The following AGBL4 variants were observed in gnomAD, a reference collection of about 807,000 sequenced individuals.
AGBL4 encodes the protein cytosolic carboxypeptidase 6.
A neutral mutation model predicts 66.4 loss-of-function variants in AGBL4; 58 were observed. The ratio of observed to expected loss-of-function variants is 0.87; its 90% confidence interval spans 0.71 to 1.09. AGBL4 has a LOEUF of 1.09. Ranked by LOEUF, AGBL4 falls within the 50% of genes least tolerant of loss-of-function variation. The pLI, the probability that AGBL4 is intolerant of heterozygous loss-of-function variation, is 0.00. For missense variants in AGBL4, 579 were observed against 631.0 expected (o/e 0.92, Z 0.88); for synonymous variants, 234 against 222.9 (o/e 1.05, Z -0.44).
intron 6 of AGBL4, among the ~76,000 whole-genome samples, chr1:48,769,860 C>A (rs1644724556): frequency 6.6e-6 from 1 of 152,242 alleles, no homozygotes; most frequent in South Asian, 2.1e-4. Flanking sequence ...CACACAGCTT[C>A]TAAGTAGCAC....
chr1:49,257,665 G>A (rs556291723), intron 3 of AGBL4, among the ~76,000 whole-genome samples: 156 of 152,340 alleles, frequency 1.0e-3, no homozygotes, highest in African/African-American at 3.5e-3. Context: ...TGCACGGTGC[G>A]CTGCACCCAC....
chr1:49,245,936 A>G (rs745716421), intron 3 of AGBL4, 72 bp from the exon 4 acceptor site: 63 of 1,177,586 alleles, frequency 5.3e-5, no homozygotes, highest in Admixed American at 8.1e-5. Flanking sequence ...TAAGACAGGA[A>G]ATAAGAAACA....
At chr1:49,055,537 T>C (rs1412811145) in intron 4 of AGBL4, among the ~76,000 whole-genome samples, 1 of 152,034 alleles carries the variant, frequency 6.6e-6, no homozygotes, top group Non-Finnish European at 1.5e-5. Flanking sequence ...TTATTCATCA[T>C]AATATATAAC....
chr1:48,930,871 C>A (rs2148902600), intron 5 of AGBL4, among the ~76,000 whole-genome samples: 1 of 152,294 alleles, frequency 6.6e-6, no homozygotes, highest in East Asian at 1.9e-4. Flanking sequence ...ATGGGTCCTG[C>A]AGGCACTATG....
intron 2 of AGBL4, among the ~76,000 whole-genome samples, chr1:49,737,266 A>G (rs977063318): frequency 6.6e-6 from 1 of 152,238 alleles, no homozygotes; most frequent in African/African-American, 2.4e-5. Flanking sequence ...CAAATAGCAA[A>G]GATATGGAAT....
intron 3 of AGBL4, among the ~76,000 whole-genome samples, chr1:49,463,400 C>T (rs760298385): frequency 1.3e-4 from 19 of 151,586 alleles, no homozygotes; most frequent in Admixed American, 5.3e-4. Flanking sequence ...AATTTATGAC[C>T]GACCACATTT....
intron 2 of AGBL4, among the ~76,000 whole-genome samples, chr1:49,710,140 CAT>C (rs1157184679): frequency 6.6e-6 from 1 of 152,106 alleles, no homozygotes; most frequent in African/African-American, 2.4e-5. Context: ...CACATGCACA[CAT>C]ATGTTTATTG....
At chr1:48,868,720 G>A (rs1648355931) in intron 5 of AGBL4, among the ~76,000 whole-genome samples, 1 of 152,190 alleles carries the variant, frequency 6.6e-6, no homozygotes, top group Non-Finnish European at 1.5e-5. Context: ...AAAGTTCAGA[G>A]ATTTGACCTG....
chr1:49,970,586 C>T (rs1239212661), intron 1 of AGBL4, among the ~76,000 whole-genome samples: 1 of 151,864 alleles, frequency 6.6e-6, no homozygotes, highest in East Asian at 1.9e-4. Context: ...ATCCCAGCTA[C>T]TCAGGAGGCT....
chr1:48,754,857 C>T (rs1652299398), intron 6 of AGBL4, among the ~76,000 whole-genome samples: 1 of 152,068 alleles, frequency 6.6e-6, no homozygotes, highest in African/African-American at 2.4e-5. Context: ...TAAAGAAGGC[C>T]ATACGGGTGA....
chr1:49,230,925 A>G (rs913802331), intron 4 of AGBL4, among the ~76,000 whole-genome samples: 1 of 152,174 alleles, frequency 6.6e-6, no homozygotes, highest in African/African-American at 2.4e-5. Flanking sequence ...AGCAAAAAGT[A>G]TTCTGTTTAT....
rs139409369 is a variant in AGBL4, at chr1:48,633,740, G to T, written c.951+753C>A. On this transcript the variant is annotated intron_variant, in intron 9 of 13. Transcript: ENST00000371839. ...ACCGTGGTTTGCTTCATTTCTCTAA[G>T]CTATGAAACCCTGCTGTCTTCTCCT... Among the ~76,000 whole-genome samples, 275 of 152,308 alleles carry T rather than the reference G, an allele frequency of 1.8e-3. 2 individuals carry two copies. The highest frequency in any genetic ancestry group is 0.013 in the Admixed American group (194 of 15,300).
chr1:48,958,374 G>A (rs1033046160), intron 5 of AGBL4, among the ~76,000 whole-genome samples: 1 of 152,184 alleles, frequency 6.6e-6, no homozygotes, highest in African/African-American at 2.4e-5. Flanking sequence ...ATAGTATAGA[G>A]CTGTCACTGA....
intron 6 of AGBL4, among the ~76,000 whole-genome samples, chr1:48,805,050 A>G (rs536502705): frequency 6.6e-6 from 1 of 152,258 alleles, no homozygotes; most frequent in East Asian, 1.9e-4. Context: ...CCAAATATCT[A>G]TTCATCTGTT....
chr1:49,827,097 A>G (rs1283346400), intron 2 of AGBL4, among the ~76,000 whole-genome samples: 2 of 152,166 alleles, frequency 1.3e-5, no homozygotes, highest in Non-Finnish European at 2.9e-5. Flanking sequence ...ATACAGGTAG[A>G]GTATGAATTC....
At chr1:48,959,276 AAT>A in intron 5 of AGBL4, among the ~76,000 whole-genome samples, 1 of 152,338 alleles carries the variant, frequency 6.6e-6, no homozygotes, top group East Asian at 1.9e-4. Flanking sequence ...ATAAATATAA[AAT>A]ATGAGAAGTA....
At chr1:48,763,644 C>A (rs967424651) in intron 6 of AGBL4, among the ~76,000 whole-genome samples, 4 of 152,198 alleles carry the variant, frequency 2.6e-5, no homozygotes, top group African/African-American at 9.7e-5. Context: ...TTAGAAATGA[C>A]AAGCTATGCT....
intron 4 of AGBL4, among the ~76,000 whole-genome samples, chr1:49,056,225 C>T (rs955877030): frequency 6.6e-6 from 1 of 151,752 alleles, no homozygotes; most frequent in Non-Finnish European, 1.5e-5. Flanking sequence ...CATGTTGGCA[C>T]TTTTCTAGCT....
At chr1:49,476,289 A>G (rs1646843135) in intron 3 of AGBL4, among the ~76,000 whole-genome samples, 2 of 150,674 alleles carry the variant, frequency 1.3e-5, no homozygotes, top group East Asian at 3.9e-4. Context: ...TATAATTTCA[A>G]TTGTTTTAAA....
Sources: gnomAD v4.1 joint callset for allele counts (sites outside exome capture counted in the v4.1 genomes callset) on GRCh38, gnomAD v4.1.1 for gene constraint, MANE v1.5 for transcripts, NCBI Gene and HGNC (gene_info 2026-07-23, HGNC 2026-07-21) for gene names.